Variants in HSD17B6 observed in about 807,000 individuals in gnomAD.
HSD17B6 encodes hydroxysteroid 17-beta dehydrogenase 6.
A neutral mutation model predicts 26.4 loss-of-function variants in HSD17B6; 16 were observed. The ratio of observed to expected loss-of-function variants is 0.61; its 90% CI spans 0.41 to 0.92. The LOEUF is 0.92. HSD17B6 is among the 40% of genes least tolerant of loss of function. HSD17B6 has a pLI of 0.00. For missense variants in HSD17B6, 357 were observed against 386.1 expected (o/e 0.92, Z 0.63); for synonymous variants, 139 against 153.0 (o/e 0.91, Z 0.68).
intron 3 of HSD17B6, among the ~76,000 whole-genome samples, chr12:56,783,308 G>A (rs1170006626): frequency 1.4e-5 from 2 of 147,026 alleles, no homozygotes; most frequent in Admixed American, 1.3e-4. Context: ...GGCTGGCCAG[G>A]CGGGGGGCTG....
intron 2 of HSD17B6, among the ~76,000 whole-genome samples, chr12:56,778,701 G>C (rs867523329): frequency 1.1e-4 from 16 of 139,794 alleles, no homozygotes; most frequent in African/African-American, 4.3e-4. Context: ...TTGAGACGGA[G>C]TCTCACTCAG....
At chr12:56,787,067 T>A (rs1172224749) in intron 4 of HSD17B6, 58 bp from the exon 5 acceptor site, 2 of 1,340,046 alleles carry the variant, frequency 1.5e-6, no homozygotes, top group African/African-American at 1.4e-5. Flanking sequence ...TGTGACTGCA[T>A]GATCTTAAAA....
chr12:56,767,684 A>C (rs1954368191), intron 1 of HSD17B6, among the ~76,000 whole-genome samples: 1 of 144,750 alleles, frequency 6.9e-6, no homozygotes, highest in African/African-American at 2.5e-5. Flanking sequence ...TTATATATAC[A>C]CAATAGAGGG....
At chr12:56,786,589 C>T (rs1176062105) in intron 4 of HSD17B6, among the ~76,000 whole-genome samples, 2 of 152,202 alleles carry the variant, frequency 1.3e-5, no homozygotes, top group African/African-American at 4.8e-5. Context: ...GTGCCTCACA[C>T]CTATAATTCC....
intron 3 of HSD17B6, among the ~76,000 whole-genome samples, chr12:56,783,421 A>T (rs1954778222): frequency 8.5e-6 from 1 of 118,156 alleles, no homozygotes; most frequent in Non-Finnish European, 1.8e-5. Context: ...GGGGCTCCTC[A>T]CTTCCCAGTA....
chr12:56,768,329 A>C, intron 1 of HSD17B6, among the ~76,000 whole-genome samples: 1 of 152,074 alleles, frequency 6.6e-6, no homozygotes, highest in East Asian at 1.9e-4. Context: ...TGGAAGGTGA[A>C]GTGCAAGGAG....
intron 2 of HSD17B6, among the ~76,000 whole-genome samples, chr12:56,777,421 A>C (rs1954616834): frequency 6.8e-6 from 1 of 147,078 alleles, no homozygotes; most frequent in Non-Finnish European, 1.5e-5. Context: ...CTGGCGTGCA[A>C]CGGCATGATC....
At chr12:56,783,219 C>T (rs1170127569) in intron 3 of HSD17B6, among the ~76,000 whole-genome samples, 7 of 150,740 alleles carry the variant, frequency 4.6e-5, no homozygotes, top group South Asian at 2.1e-4. Context: ...TAGGGGCGGC[C>T]GGGCAGAGGC....
In HSD17B6 at chr12:56,787,412, AT is replaced by A; in HGVS notation, c.*73del. 1.0e-6 allele frequency: 1 copy of A among 989,768 alleles called. No individual in the cohort carries two copies. Among genetic ancestry groups the A allele is most frequent in the South Asian group, 1.5e-5 (1 of 66,650 alleles). 61.3% of individuals were successfully genotyped at this position (989,768 alleles called of 1,614,324 possible). Reference sequence around the variant, plus strand: ...AATTGTTAGTGTCTCAGTAATCCTGATTTAGAACCCAGGCTTTTTGTAACAA... The same window carrying A: ...AATTGTTAGTGTCTCAGTAATCCTGATTAGAACCCAGGCTTTTTGTAACAA... On this transcript the variant is annotated 3_prime_UTR_variant, in exon 5 of 5. Coordinates refer to ENST00000322165, the MANE Select transcript of HSD17B6 (RefSeq NM_003725.4).
chr12:56,773,224 C>G (rs985529044), intron 1 of HSD17B6, among the ~76,000 whole-genome samples: 1 of 152,218 alleles, frequency 6.6e-6, no homozygotes, highest in African/African-American at 2.4e-5. Flanking sequence ...CTATCCTCCA[C>G]TGCCATTGTG....
chr12:56,784,096 G>A (rs1476550195), intron 3 of HSD17B6, among the ~76,000 whole-genome samples: 6 of 151,566 alleles, frequency 4.0e-5, no homozygotes, highest in South Asian at 4.2e-4. Context: ...GGGCAGAGAC[G>A]CTCCTCACTT....
Position 56,773,971 on chromosome 12 carries a change from G to C in HSD17B6, c.119G>C (p.Gly40Ala). 6.2e-7 allele frequency: 1 copy of C among 1,614,154 alleles called. No homozygotes were observed. The highest frequency in any genetic ancestry group is 1.3e-5 in the African/African-American group (1 of 75,016). Residue 40 changes from glycine (G) to alanine (A), a missense_variant, in exon 2 of 5, where the codon GGC becomes GCC. Gly to Ala is a moderately conservative substitution (Grantham distance 60). Coordinates refer to ENST00000322165, the MANE Select transcript of HSD17B6 (RefSeq NM_003725.4). Reference sequence around the variant, plus strand: ...GTCTTTATCACGGGCTGTGACTCGGGCTTTGGGAACCTGCTGGCCAGACAG... The same window carrying C: ...GTCTTTATCACGGGCTGTGACTCGGCCTTTGGGAACCTGCTGGCCAGACAG... ...KYVFITGCDS[G>A]FGNLLARQLD...
chr12:56,783,201 C>T (rs1423445509), intron 3 of HSD17B6, among the ~76,000 whole-genome samples: 4 of 151,952 alleles, frequency 2.6e-5, no homozygotes, highest in Non-Finnish European at 5.9e-5. Context: ...GGGCTCCTCA[C>T]TTCCCAGTAG....
intron 1 of HSD17B6, among the ~76,000 whole-genome samples, chr12:56,773,187 T>G (rs1250662569): frequency 6.6e-6 from 1 of 152,214 alleles, no homozygotes; most frequent in Non-Finnish European, 1.5e-5. Context: ...CTAATGGATC[T>G]CACTGCCTTC....
In HSD17B6 at chr12:56,787,616, G is replaced by A; in HGVS notation, c.*274G>A. Reference sequence around the variant, plus strand: ...TCTTGCCTTATTAAACAGAGTAGATGGAAAACAATTTAACCTATTTTGAAG... The same window carrying A: ...TCTTGCCTTATTAAACAGAGTAGATAGAAAACAATTTAACCTATTTTGAAG... On this transcript the variant is annotated 3_prime_UTR_variant, in exon 5 of 5. Transcript: ENST00000322165. 2 of 375,094 alleles carry A rather than the reference G, an allele frequency of 5.3e-6. No individual in the cohort carries two copies. Among genetic ancestry groups the A allele is most frequent in the Non-Finnish European group, 9.7e-6 (2 of 207,120 alleles). The allele number at this position is 375,094 out of a possible 1,614,324, so 23.2% of individuals were successfully genotyped here.
At chr12:56,769,728 C>T (rs750740899) in intron 1 of HSD17B6, among the ~76,000 whole-genome samples, 10 of 152,094 alleles carry the variant, frequency 6.6e-5, no homozygotes, top group Non-Finnish European at 1.0e-4. Flanking sequence ...AAGGCAAAAA[C>T]GTAAAGTAAT....
intron 3 of HSD17B6, among the ~76,000 whole-genome samples, chr12:56,784,021 C>G (rs1954813003): frequency 6.6e-6 from 1 of 151,806 alleles, no homozygotes; most frequent in African/African-American, 2.4e-5. Context: ...GGCCGAGGCG[C>G]TCCTCACATC....
chr12:56,774,230 T>G, intron 2 of HSD17B6, 65 bp downstream of exon 2: 2 of 1,416,816 alleles, frequency 1.4e-6, no homozygotes, highest in Non-Finnish European at 1.9e-6. Flanking sequence ...ATACAGTTGT[T>G]CCTTGGTGTC....
rs1215952285 is a variant in HSD17B6, at chr12:56,773,916, C to T, written c.64C>T (p.Gln22Ter). The T allele has an allele frequency of 1.2e-6, 2 of 1,613,156 alleles. No homozygotes were observed. The highest frequency in any genetic ancestry group is 1.7e-6 in the Non-Finnish European group (2 of 1,179,360). ...CCTTCTGCACTGGTACCGGGAGAGGCAGGTGGTGAGCCACCTCCAAGACAA... is the reference window on the plus strand; with the variant it reads ...CCTTCTGCACTGGTACCGGGAGAGGTAGGTGGTGAGCCACCTCCAAGACAA... ...YYLLHWYRER[Q>*]VVSHLQDKYV... The change falls in exon 2 of 5, where the codon CAG becomes TAG. Residue 22 changes from glutamine (Q) to a stop codon, truncating the protein, a stop_gained. Coordinates refer to ENST00000322165, the MANE Select transcript of HSD17B6 (RefSeq NM_003725.4). LOFTEE classifies it high-confidence loss of function.
Sources: gnomAD v4.1 joint callset for allele counts (sites outside exome capture counted in the v4.1 genomes callset) on GRCh38, gnomAD v4.1.1 for gene constraint, MANE v1.5 for transcripts, NCBI Gene and HGNC (gene_info 2026-07-23, HGNC 2026-07-21) for gene names.